Variants in IGF2BP2 observed in about 807,000 individuals in gnomAD.
IGF2BP2 encodes the protein insulin like growth factor 2 mRNA binding protein 2, also known as insulin-like growth factor 2 mRNA-binding protein 2.
A neutral mutation model predicts 75.8 loss-of-function variants in IGF2BP2; 17 were observed. That is an observed-to-expected ratio of 0.22 (90% CI 0.15 to 0.34). IGF2BP2 has a LOEUF of 0.34. IGF2BP2 is among the 10% of genes least tolerant of loss of function. The pLI is 1.00. For missense variants in IGF2BP2, 516 were observed against 772.4 expected, an observed-to-expected ratio of 0.67 and a Z score of 3.93; for synonymous variants, 288 against 295.6, an observed-to-expected ratio of 0.97 and a Z score of 0.26.
At chr3:185,758,853 A>G (rs1229522066) in intron 2 of IGF2BP2, among the ~76,000 whole-genome samples, 3 of 152,228 alleles carry the variant, frequency 2.0e-5, no homozygotes, top group Non-Finnish European at 4.4e-5. Flanking sequence ...TGTTGCTTTC[A>G]GCAATTCAAA....
chr3:185,645,374 C>T lies in IGF2BP2; in HGVS notation c.*157G>A. ...GCCCCTCCTCGGCCCCTGGGGTTCT[C>T]AGGGCCTCGGCAGAGTCCCTGGCCG... On this transcript the variant is annotated 3_prime_UTR_variant, in exon 16 of 16. Transcript: ENST00000382199. The surrounding 1 kb of genome is among the most constrained non-coding windows in gnomAD (Gnocchi z 4.9). The T allele has an allele frequency of 1.6e-6, 1 of 612,312 alleles. No individual in the cohort carries two copies. Among genetic ancestry groups the T allele is most frequent in the East Asian group, 2.8e-5 (1 of 36,004 alleles). The allele number at this position is 612,312 out of a possible 1,614,324, so 37.9% of individuals were successfully genotyped here. A position where few individuals can be genotyped will look rare whatever the true frequency, so the allele number is the denominator to read the frequency against.
intron 7 of IGF2BP2, among the ~76,000 whole-genome samples, chr3:185,681,820 G>A (rs1052748731): frequency 1.5e-3 from 227 of 152,294 alleles, no homozygotes; most frequent in African/African-American, 4.8e-3. Context: ...TGGGGAAAGA[G>A]CAGTCTATTC....
chr3:185,684,397 CTT>C (rs1357078069), intron 7 of IGF2BP2, among the ~76,000 whole-genome samples: 1 of 145,624 alleles, frequency 6.9e-6, no homozygotes. Context: ...TGTAGAATTT[CTT>C]TTTTTTTTTT....
chr3:185,725,927 G>A (rs920277700), intron 2 of IGF2BP2, among the ~76,000 whole-genome samples: 4 of 152,162 alleles, frequency 2.6e-5, no homozygotes, highest in Admixed American at 2.6e-4. Flanking sequence ...ACATGCCACT[G>A]CACTACAGCC....
intron 2 of IGF2BP2, among the ~76,000 whole-genome samples, chr3:185,822,631 GC>G (rs1189798306): frequency 6.6e-6 from 1 of 152,108 alleles, no homozygotes; most frequent in East Asian, 1.9e-4. Context: ...GCTTTTAACT[GC>G]CATCCAATCC....
intron 2 of IGF2BP2, among the ~76,000 whole-genome samples, chr3:185,799,914 A>C (rs1737976502): frequency 6.6e-6 from 1 of 152,214 alleles, no homozygotes; most frequent in Admixed American, 6.5e-5. Context: ...TTGACCCAGC[A>C]ATCCCATTAC....
intron 2 of IGF2BP2, among the ~76,000 whole-genome samples, chr3:185,731,326 G>A (rs931595421): frequency 2.7e-5 from 4 of 150,340 alleles, no homozygotes; most frequent in Non-Finnish European, 5.9e-5. Context: ...GGTTCACTGC[G>A]GCCTCCGCCT....
chr3:185,754,782 G>A (rs557645991), intron 2 of IGF2BP2, among the ~76,000 whole-genome samples: 65 of 152,308 alleles, frequency 4.3e-4, no homozygotes, highest in African/African-American at 1.5e-3. Context: ...CTAGGGATAC[G>A]TGGAAGTTTG....
chr3:185,769,395 C>T (rs563294630), intron 2 of IGF2BP2, among the ~76,000 whole-genome samples: 71 of 151,834 alleles, frequency 4.7e-4, no homozygotes, highest in African/African-American at 1.5e-3. Flanking sequence ...TTGTTTAAAA[C>T]GGAAGTTATA....
chr3:185,780,645 T>C (rs1281796525), intron 2 of IGF2BP2, among the ~76,000 whole-genome samples: 2 of 152,224 alleles, frequency 1.3e-5, no homozygotes, highest in African/African-American at 4.8e-5. Context: ...TTCATTTGTC[T>C]GTGAGCTACC....
intron 2 of IGF2BP2, chr3:185,721,980 C>T: frequency 3.9e-6 from 1 of 258,412 alleles, no homozygotes; most frequent in Non-Finnish European, 7.6e-6. Flanking sequence ...CTTGGCAGTT[C>T]TTAGAAACTT....
chr3:185,702,958 CT>C (rs1015583333), intron 2 of IGF2BP2, among the ~76,000 whole-genome samples: 1 of 152,224 alleles, frequency 6.6e-6, no homozygotes, highest in African/African-American at 2.4e-5. Context: ...TATATAGGCT[CT>C]TTCCCTGTGG....
intron 2 of IGF2BP2, among the ~76,000 whole-genome samples, chr3:185,799,156 T>C (rs564677275): frequency 4.2e-4 from 64 of 151,738 alleles, no homozygotes; most frequent in African/African-American, 1.5e-3. Flanking sequence ...TCTCAACATA[T>C]TGGGAGGTCA....
chr3:185,745,918 G>A (rs1479345446), intron 2 of IGF2BP2, among the ~76,000 whole-genome samples: 1 of 152,116 alleles, frequency 6.6e-6, no homozygotes, highest in Non-Finnish European at 1.5e-5. Context: ...GGTTTGGTGG[G>A]TGGTCTGAAA....
intron 2 of IGF2BP2, among the ~76,000 whole-genome samples, chr3:185,762,853 G>A (rs1269086506): frequency 2.0e-5 from 3 of 152,170 alleles, no homozygotes. Context: ...ACAATCTGCA[G>A]CAGCTATTCT....
chr3:185,693,487 T>TG (rs1722212201), intron 4 of IGF2BP2, among the ~76,000 whole-genome samples: 1 of 152,210 alleles, frequency 6.6e-6, no homozygotes, highest in Non-Finnish European at 1.5e-5. Context: ...ACTCTTTGAC[T>TG]GTGTGGGTTA....
At chr3:185,755,303 C>G (rs544884441) in intron 2 of IGF2BP2, among the ~76,000 whole-genome samples, 9 of 152,320 alleles carry the variant, frequency 5.9e-5, no homozygotes, top group African/African-American at 2.2e-4. Flanking sequence ...TGCAAGATAC[C>G]ATAAACCTTG....
intron 2 of IGF2BP2, among the ~76,000 whole-genome samples, chr3:185,760,157 C>T (rs918840102): frequency 6.6e-6 from 1 of 152,152 alleles, no homozygotes; most frequent in African/African-American, 2.4e-5. Context: ...CCTCTTTTTA[C>T]AGTTAGCCAA....
intron 2 of IGF2BP2, among the ~76,000 whole-genome samples, chr3:185,721,006 CGCTT>C (rs1423197224): frequency 6.6e-6 from 1 of 152,124 alleles, no homozygotes; most frequent in Non-Finnish European, 1.5e-5. Flanking sequence ...TGTGTGCACA[CGCTT>C]GCACACATGT....
Sources: allele counts gnomAD v4.1 joint callset (sites outside exome capture counted in the v4.1 genomes callset), GRCh38; gene constraint gnomAD v4.1.1; non-coding constraint Gnocchi (gnomAD v3.1); transcripts MANE v1.5; gene names NCBI Gene and HGNC (gene_info 2026-07-23, HGNC 2026-07-21).